The following SLC35E2B variants were observed in gnomAD, a reference collection of about 807,000 sequenced individuals.
SLC35E2B encodes the protein solute carrier family 35, member E2B.
A neutral mutation model predicts 32.4 loss-of-function variants in SLC35E2B; 18 were observed. The observed-to-expected ratio is 0.56, with a 90% CI of 0.38 to 0.82. The LOEUF is 0.82. SLC35E2B is among the 40% of genes least tolerant of loss of function. The pLI, the probability that SLC35E2B is intolerant of heterozygous loss-of-function variation, is 0.00. For synonymous variants in SLC35E2B, 132 were observed against 209.1 expected (o/e 0.63, Z 3.18); for missense variants, 263 against 469.5 (o/e 0.56, Z 4.06).
rs765296565 is a variant in SLC35E2B at position 1,665,816 on chromosome 1, G to A, written c.1184C>T (p.Pro395Leu). ...CTGCCTGGGGTCCTGTGGAAGCAGCGGCTCCACTGTGTCGTCTGGGGCCCG... is the reference window on the plus strand; with the variant it reads ...CTGCCTGGGGTCCTGTGGAAGCAGCAGCTCCACTGTGTCGTCTGGGGCCCG... ...TGRAPDDTVEPLLPQDPRQHP is the reference protein window; with the variant it reads ...TGRAPDDTVELLLPQDPRQHP Residue 395 changes from proline to leucine, a missense_variant, in exon 10 of 10, where the codon CCG (proline) becomes CTG (leucine). Coordinates refer to ENST00000617444, the MANE Select transcript of SLC35E2B (RefSeq NM_001290264.2). 44 of 1,550,772 alleles carry A rather than the reference G, an allele frequency of 2.8e-5. No individual in the cohort carries two copies. The highest frequency in any genetic ancestry group is 3.4e-4 in the Middle Eastern group (2 of 5,960).
Position 1,666,063 on chromosome 1 carries a change from T to A in SLC35E2B, c.981-44A>T, listed in dbSNP as rs1280008754. 3.9e-6 allele frequency: 6 copies of A among 1,526,366 alleles called. No individual in the cohort carries two copies. The Admixed American group carries it at 1.2e-4, about 31-fold the overall frequency. 94.6% of individuals were successfully genotyped at this position (1,526,366 alleles called of 1,614,324 possible). ...GCAGCAGGGGCGCTCAGGGCTATGG[T>A]CTCCTCAGCCCGTGGCCAGCAGCTC... On this transcript the variant is annotated intron_variant, in intron 9 of 9. Coordinates refer to ENST00000617444, the MANE Select transcript of SLC35E2B (RefSeq NM_001290264.2).
chr1:1,663,634 C>G lies in SLC35E2B; in HGVS notation c.*2148G>C, dbSNP rs1643464560. On this transcript the variant is annotated 3_prime_UTR_variant, in exon 10 of 10. Coordinates refer to ENST00000617444, the MANE Select transcript of SLC35E2B (RefSeq NM_001290264.2). The stretch of plus-strand genomic sequence containing the variant: ...TACAGGCACCCACCATCGCACCCAG[C>G]TAATTTTTGTATTTTTGGTAGAGAC... The G allele has an allele frequency of 4.2e-6, 1 of 236,962 alleles. No homozygotes were observed. Among genetic ancestry groups the G allele is most frequent in the Non-Finnish European group, 6.8e-6 (1 of 146,666 alleles). The allele number at this position is 236,962 out of a possible 1,614,324, so 14.7% of individuals were successfully genotyped here.
At chr1:1,690,314 A>G (rs1644004295) in intron 2 of SLC35E2B, among the ~76,000 whole-genome samples, 1 of 146,974 alleles carries the variant, frequency 6.8e-6, no homozygotes, top group South Asian at 2.1e-4. Flanking sequence ...AAAAATATAT[A>G]TATATATATA....
chr1:1,673,146 G>C (rs1034112600), intron 5 of SLC35E2B: 1 of 195,160 alleles, frequency 5.1e-6, no homozygotes, highest in African/African-American at 2.4e-5. Flanking sequence ...GAGGCAGGAG[G>C]ATCACTTGAG....
rs922234761 is a variant in SLC35E2B at position 1,671,482 on chromosome 1, C to G, written c.707+27G>C. 4.8e-6 allele frequency: 7 copies of G among 1,451,628 alleles called. No homozygotes were observed. In the East Asian group the frequency reaches 1.7e-4, roughly 35 times the overall value. The allele number at this position is 1,451,628 out of a possible 1,614,324, so 89.9% of individuals were successfully genotyped here. ...CAGGTGAGCACCGGGTCTCGTCCCC[C>G]TCACGCCCACCTTCTCTGTGACTCA... On this transcript the variant is annotated intron_variant, in intron 6 of 9. Coordinates refer to ENST00000617444, the MANE Select transcript of SLC35E2B (RefSeq NM_001290264.2).
In SLC35E2B at chr1:1,664,751, T is replaced by G; in HGVS notation, c.*1031A>C. ...AAACATTCAGTGTGGACGTTTCCTT[T>G]TTCAGTAAGGACGGCGCCCAGGTAA... On this transcript the variant is annotated 3_prime_UTR_variant, in exon 10 of 10. Transcript: ENST00000617444. The G allele has an allele frequency of 2.2e-6, 2 of 894,158 alleles. No homozygotes were observed. The highest frequency in any genetic ancestry group is 1.3e-4 in the East Asian group (1 of 7,532). The allele number at this position is 894,158 out of a possible 1,614,324, so 55.4% of individuals were successfully genotyped here.
intron 5 of SLC35E2B, chr1:1,672,611 C>T (rs1356428354): frequency 6.6e-6 from 1 of 152,258 alleles, no homozygotes; most frequent in Non-Finnish European, 1.5e-5. Flanking sequence ...CTGCTGTTGA[C>T]ATGCAGCTGG....
At chr1:1,688,445 A>G (rs1003713681) in intron 2 of SLC35E2B, among the ~76,000 whole-genome samples, 1 of 151,648 alleles carries the variant, frequency 6.6e-6, no homozygotes, top group Non-Finnish European at 1.5e-5. Flanking sequence ...TTTCTACTAC[A>G]AAAAATTAGC....
intron 2 of SLC35E2B, among the ~76,000 whole-genome samples, chr1:1,685,527 C>T (rs1215463670): frequency 1.3e-5 from 2 of 151,722 alleles, no homozygotes; most frequent in African/African-American, 4.9e-5. Context: ...GAGGTGGGGG[C>T]GGCTCCAGGT....
chr1:1,662,578 T>A lies in SLC35E2B; in HGVS notation c.*3204A>T. 15 of 884,504 alleles carry A rather than the reference T, an allele frequency of 1.7e-5. 1 individual carries two copies. The highest frequency in any genetic ancestry group is 2.0e-5 in the Non-Finnish European group (15 of 738,696). The allele number at this position is 884,504 out of a possible 1,614,324, so 54.8% of individuals were successfully genotyped here. ...CTCACCATGGTAATTTTTCACAAATTAAAGACACATTTTGGGTTGTGCAAC... is the reference window on the plus strand; with the variant it reads ...CTCACCATGGTAATTTTTCACAAATAAAAGACACATTTTGGGTTGTGCAAC... On this transcript the variant is annotated 3_prime_UTR_variant, in exon 10 of 10. Coordinates refer to ENST00000617444, the MANE Select transcript of SLC35E2B (RefSeq NM_001290264.2).
chr1:1,665,928 C>A lies in SLC35E2B; in HGVS notation c.1072G>T (p.Ala358Ser), dbSNP rs541155330. ...AGCAGGACCCCAACGGTCACCAGGG[C>A]TGTGCCAACGGCCGACAAGCTGGTG... ...KITSLSAVGTALVTVGVLLYN... is the reference protein window; with the variant it reads ...KITSLSAVGTSLVTVGVLLYN... Residue 358 changes from alanine (A) to serine (S), a missense_variant, in exon 10 of 10, where the codon GCC becomes TCC. Physicochemically the swap from Ala to Ser is moderately conservative, Grantham distance 99 (BLOSUM62 1). Transcript: ENST00000617444. 1 of 1,551,472 alleles carries A rather than the reference C, an allele frequency of 6.4e-7. No individual in the cohort carries two copies. Among genetic ancestry groups the A allele is most frequent in the African/African-American group, 1.4e-5 (1 of 73,176 alleles).
intron 9 of SLC35E2B, among the ~76,000 whole-genome samples, chr1:1,666,684 C>T (rs1159214837): frequency 6.6e-6 from 1 of 151,206 alleles, no homozygotes; most frequent in Non-Finnish European, 1.5e-5. Context: ...GTAACCCCAG[C>T]ACTGTGGGAG....
intron 5 of SLC35E2B, chr1:1,672,076 T>A (rs1379865179): frequency 6.5e-6 from 1 of 153,330 alleles, no homozygotes; most frequent in Admixed American, 6.5e-5. Flanking sequence ...GAAGGATTTT[T>A]AAAAAATCTA....
intron 2 of SLC35E2B, among the ~76,000 whole-genome samples, chr1:1,683,762 GA>G (rs1478994980): frequency 6.6e-6 from 1 of 152,078 alleles, no homozygotes; most frequent in East Asian, 1.9e-4. Context: ...GCTCAGGTGT[GA>G]TCAGCATAAG....
chr1:1,679,553 G>A (rs564043215), intron 2 of SLC35E2B, among the ~76,000 whole-genome samples: 24 of 152,208 alleles, frequency 1.6e-4, no homozygotes, highest in East Asian at 9.6e-4. Flanking sequence ...TGGGCCAGGC[G>A]CCGTGGCTCA....
At chr1:1,666,521 C>T (rs1643549536) in intron 9 of SLC35E2B, among the ~76,000 whole-genome samples, 2 of 152,176 alleles carry the variant, frequency 1.3e-5, no homozygotes, top group South Asian at 4.1e-4. Context: ...CCACCACACC[C>T]AGATGAAATA....
At chr1:1,685,440 A>G (rs1643939157) in intron 2 of SLC35E2B, among the ~76,000 whole-genome samples, 1 of 149,846 alleles carries the variant, frequency 6.7e-6, no homozygotes, top group African/African-American at 2.5e-5. Flanking sequence ...AAAGAAAAGG[A>G]AAAAGAAATA....
rs372496717 is a variant in SLC35E2B, at chr1:1,688,192, TC to T, written c.-148+2783del. ...ATGGCAAAGGAGGGGAAGTCTTTCT[TC>T]CCAGCACAAAGTCAATCCATGATCA... On this transcript the variant is annotated intron_variant, in intron 2 of 9. Coordinates refer to ENST00000617444, the MANE Select transcript of SLC35E2B (RefSeq NM_001290264.2). Among the ~76,000 whole-genome samples, 17 of 152,154 alleles carry T rather than the reference TC, an allele frequency of 1.1e-4. No homozygotes were observed. The East Asian group carries it at 2.9e-3, about 26-fold the overall frequency.
At chr1:1,686,320 T>C (rs1300393027) in intron 2 of SLC35E2B, among the ~76,000 whole-genome samples, 1 of 126,218 alleles carries the variant, frequency 7.9e-6, no homozygotes, top group African/African-American at 3.2e-5. Flanking sequence ...TCTTTTTTTT[T>C]CTTTTTTTTT....
Sources: gnomAD v4.1 joint callset for allele counts (sites outside exome capture counted in the v4.1 genomes callset) on GRCh38, gnomAD v4.1.1 for gene constraint, MANE v1.5 for transcripts, NCBI Gene and HGNC (gene_info 2026-07-23, HGNC 2026-07-21) for gene names.